GOLPH3L: variants seen among roughly 807,000 people sequenced by gnomAD.
The protein encoded by GOLPH3L is Golgi phosphoprotein 3-like.
A neutral mutation model predicts 30.3 loss-of-function variants in GOLPH3L; 22 were observed. The observed-to-expected ratio is 0.73, with a 90% CI of 0.52 to 1.04. The LOEUF (loss-of-function observed/expected upper bound fraction) is 1.04. Among genes scored for constraint, GOLPH3L ranks in the 50% least tolerant of loss-of-function variants. The probability of loss-of-function intolerance (pLI) is 0.00; values close to 1 mark genes in which losing one functional copy is unlikely to be tolerated. For synonymous variants in GOLPH3L, 120 were observed against 128.2 expected (o/e 0.94, Z 0.43); for missense variants, 303 against 345.8 (o/e 0.88, Z 0.98).
At chr1:150,670,368 C>T (rs1434892465) in intron 2 of GOLPH3L, among the ~76,000 whole-genome samples, 3 of 151,904 alleles carry the variant, frequency 2.0e-5, no homozygotes, top group South Asian at 4.2e-4. Context: ...GAGGCTGAGG[C>T]GAGTGGATCA....
chr1:150,677,867 C>T (rs1650851551), intron 2 of GOLPH3L, among the ~76,000 whole-genome samples: 1 of 151,644 alleles, frequency 6.6e-6, no homozygotes, highest in African/African-American at 2.4e-5. Flanking sequence ...CTCAAGTGAT[C>T]CTCCCACCTT....
intron 2 of GOLPH3L, among the ~76,000 whole-genome samples, chr1:150,690,917 A>T (rs1051313152): frequency 3.3e-5 from 5 of 151,608 alleles, no homozygotes; most frequent in Admixed American, 6.6e-5. Context: ...TGTTTACTTT[A>T]AAAAAAATAT....
chr1:150,649,363 G>C (rs1212966464), intron 4 of GOLPH3L, among the ~76,000 whole-genome samples: 2 of 152,178 alleles, frequency 1.3e-5, no homozygotes, highest in East Asian at 1.9e-4. Flanking sequence ...GGGAAGGAAG[G>C]CCTGAAGAAT....
intron 2 of GOLPH3L, among the ~76,000 whole-genome samples, chr1:150,693,817 GTGTA>G (rs1384258684): frequency 2.7e-4 from 17 of 62,810 alleles, no homozygotes; most frequent in African/African-American, 1.3e-3. Flanking sequence ...GTGTGTGTGT[GTGTA>G]TATATATATA....
chr1:150,683,458 C>T (rs587758617), intron 2 of GOLPH3L, among the ~76,000 whole-genome samples: 1 of 149,718 alleles, frequency 6.7e-6, no homozygotes, highest in South Asian at 2.1e-4. Flanking sequence ...ATGGCGTGAA[C>T]CCGGGAGGCG....
At chr1:150,673,014 A>T (rs1218938525) in intron 2 of GOLPH3L, among the ~76,000 whole-genome samples, 2 of 151,904 alleles carry the variant, frequency 1.3e-5, no homozygotes, top group African/African-American at 4.8e-5. Context: ...TTTCCTTATC[A>T]AAAGTTTAGC....
intron 4 of GOLPH3L, among the ~76,000 whole-genome samples, chr1:150,660,317 C>A (rs1327592303): frequency 6.6e-6 from 1 of 151,824 alleles, no homozygotes; most frequent in Non-Finnish European, 1.5e-5. Flanking sequence ...CAAATTGGAA[C>A]CCTGGTGCAT....
At chr1:150,694,059 A>C (rs1352979816) in intron 2 of GOLPH3L, 2 of 351,556 alleles carry the variant, frequency 5.7e-6, no homozygotes, top group Non-Finnish European at 1.2e-5. Flanking sequence ...GGGTTTCACC[A>C]TGTTGGCCAG....
chr1:150,663,501 G>T, intron 3 of GOLPH3L, 131 bp downstream of exon 3: 1 of 805,760 alleles, frequency 1.2e-6, no homozygotes, highest in Non-Finnish European at 2.0e-6. Flanking sequence ...TAATTAACCT[G>T]TTTAGACAAT....
intron 2 of GOLPH3L, among the ~76,000 whole-genome samples, chr1:150,683,666 C>T (rs898324106): frequency 1.5e-5 from 2 of 133,140 alleles, no homozygotes; most frequent in East Asian, 4.4e-4. Flanking sequence ...CGCTGCTGCA[C>T]TCCAGCTTGG....
chr1:150,662,358 A>T (rs1650385888), intron 3 of GOLPH3L, among the ~76,000 whole-genome samples: 1 of 151,982 alleles, frequency 6.6e-6, no homozygotes, highest in African/African-American at 2.4e-5. Context: ...TTAAAAAAAT[A>T]AAAATTTAAA....
At chr1:150,683,040 C>T (rs1321334421) in intron 2 of GOLPH3L, among the ~76,000 whole-genome samples, 2 of 152,170 alleles carry the variant, frequency 1.3e-5, no homozygotes, top group African/African-American at 4.8e-5. Flanking sequence ...CCCTATGCTT[C>T]TGTAGGAAGA....
chr1:150,681,304 T>A (rs1309018529), intron 2 of GOLPH3L, among the ~76,000 whole-genome samples: 2 of 152,196 alleles, frequency 1.3e-5, no homozygotes, highest in Non-Finnish European at 2.9e-5. Flanking sequence ...TAGATGTGTC[T>A]GATTCCAAAG....
chr1:150,668,465 C>G (rs1650560694), intron 2 of GOLPH3L, among the ~76,000 whole-genome samples: 1 of 152,168 alleles, frequency 6.6e-6, no homozygotes, highest in African/African-American at 2.4e-5. Flanking sequence ...TCACTGCAAC[C>G]TCCACCTCCC....
intron 2 of GOLPH3L, among the ~76,000 whole-genome samples, chr1:150,669,255 C>T (rs1650586039): frequency 6.6e-6 from 1 of 152,022 alleles, no homozygotes; most frequent in African/African-American, 2.4e-5. Context: ...TAAATGTTCC[C>T]CTGTACTGTG....
intron 4 of GOLPH3L, among the ~76,000 whole-genome samples, chr1:150,660,873 G>A (rs1650352623): frequency 6.6e-6 from 1 of 152,132 alleles, no homozygotes; most frequent in Non-Finnish European, 1.5e-5. Context: ...AGAGGTGACG[G>A]TTACAAAATA....
intron 2 of GOLPH3L, among the ~76,000 whole-genome samples, chr1:150,672,782 T>A (rs1449827918): frequency 6.6e-6 from 1 of 152,152 alleles, no homozygotes; most frequent in Non-Finnish European, 1.5e-5. Context: ...TGTTTAATCC[T>A]ATTGGAGAAT....
At chr1:150,664,896 G>C (rs587682781) in intron 2 of GOLPH3L, among the ~76,000 whole-genome samples, 3 of 151,936 alleles carry the variant, frequency 2.0e-5, no homozygotes, top group Non-Finnish European at 4.4e-5. Context: ...TTGTTATGAG[G>C]GTTACATGAG....
chr1:150,683,257 C>G (rs1374646430), intron 2 of GOLPH3L, among the ~76,000 whole-genome samples: 1 of 152,014 alleles, frequency 6.6e-6, no homozygotes, highest in Non-Finnish European at 1.5e-5. Flanking sequence ...CAAAAATTGG[C>G]CTGGAGCGGT....
Sources: allele counts gnomAD v4.1 joint callset (sites outside exome capture counted in the v4.1 genomes callset), GRCh38; gene constraint gnomAD v4.1.1; transcripts MANE v1.5; gene names NCBI Gene and HGNC (gene_info 2026-07-23, HGNC 2026-07-21).